Variants in PCDH11X observed in about 807,000 individuals in gnomAD.
The protein encoded by PCDH11X is protocadherin-11 X-linked.
PCDH11X carries 18 observed loss-of-function variants against 53.3 expected under a neutral mutation model. The ratio of observed to expected loss-of-function variants is 0.34; its 90% confidence interval spans 0.23 to 0.50. The LOEUF (loss-of-function observed/expected upper bound fraction) is 0.50, where lower values mean the gene tolerates loss of function less well. Ranked by LOEUF, PCDH11X falls within the 20% of genes least tolerant of loss-of-function variation. The pLI, the probability that PCDH11X is intolerant of heterozygous loss-of-function variation, is 0.98. For missense variants in PCDH11X, 570 were observed against 1,032.4 expected (o/e 0.55, Z 6.14); for synonymous variants, 279 against 393.3 (o/e 0.71, Z 3.44).
intron 6 of PCDH11X, among the ~76,000 whole-genome samples, chrX:91,942,662 T>C (rs773539827): frequency 9.0e-6 from 1 of 110,984 alleles, no homozygotes; most frequent in African/African-American, 3.3e-5. Context: ...CCATAAAAAA[T>C]TTTTCTGACA....
chrX:92,198,410 CAAAAAAA>C (rs148083122), intron 6 of PCDH11X, among the ~76,000 whole-genome samples: 4 of 31,620 alleles, frequency 1.3e-4, no homozygotes, highest in Non-Finnish European at 1.5e-4. Flanking sequence ...GATCCTGTCT[CAAAAAAA>C]AAAAAAAAAA....
intron 6 of PCDH11X, among the ~76,000 whole-genome samples, chrX:91,889,622 GT>G (rs1036712319): frequency 4.2e-4 from 47 of 111,773 alleles, no homozygotes; most frequent in East Asian, 1.4e-3. Flanking sequence ...CAAATAATTG[GT>G]TTTTTTACAC....
chrX:92,300,176 G>C (rs1304464544), intron 8 of PCDH11X, among the ~76,000 whole-genome samples: 1 of 110,481 alleles, frequency 9.1e-6, no homozygotes, highest in Non-Finnish European at 1.9e-5. Context: ...AGTGTGGTTT[G>C]TGTGATTTTT....
chrX:92,026,364 G>A (rs1203837498), intron 6 of PCDH11X, among the ~76,000 whole-genome samples: 4 of 106,670 alleles, frequency 3.7e-5, no homozygotes, highest in Non-Finnish European at 7.7e-5. Flanking sequence ...ACTTGCAATA[G>A]AAACCATATG....
intron 9 of PCDH11X, among the ~76,000 whole-genome samples, chrX:92,454,346 A>G (rs1239963134): frequency 9.2e-6 from 1 of 108,798 alleles, no homozygotes; most frequent in African/African-American, 3.3e-5. Flanking sequence ...GTCTGGGACA[A>G]TGTCATTTAT....
chrX:92,128,643 T>C (rs2760023), intron 6 of PCDH11X, among the ~76,000 whole-genome samples: 3,365 of 109,843 alleles, frequency 0.031, 161 homozygotes, highest in African/African-American at 0.11. Flanking sequence ...AGGTGATCTG[T>C]CTGCCTCGGC....
chrX:91,983,687 G>C (rs2062182506), intron 6 of PCDH11X, among the ~76,000 whole-genome samples: 1 of 111,810 alleles, frequency 8.9e-6, no homozygotes, highest in Admixed American at 9.5e-5. Context: ...CCCCTATTCA[G>C]TCATCTCCCA....
intron 6 of PCDH11X, among the ~76,000 whole-genome samples, chrX:91,971,340 A>G (rs957084251): frequency 9.2e-6 from 1 of 108,900 alleles, no homozygotes; most frequent in Non-Finnish European, 1.9e-5. Context: ...AGCAAAGTTG[A>G]AAAGGACACT....
intron 10 of PCDH11X, among the ~76,000 whole-genome samples, chrX:92,545,397 T>C (rs2074831067): frequency 1.1e-5 from 1 of 87,917 alleles, no homozygotes; most frequent in Non-Finnish European, 2.2e-5. Context: ...CTTTTTTTTT[T>C]TTTTTTTTTT....
intron 6 of PCDH11X, among the ~76,000 whole-genome samples, chrX:91,978,180 A>G (rs1157254906): frequency 3.6e-5 from 4 of 110,281 alleles, no homozygotes; most frequent in Non-Finnish European, 7.6e-5. Flanking sequence ...AACATACACC[A>G]AGAGCTGCAG....
intron 10 of PCDH11X, among the ~76,000 whole-genome samples, chrX:92,617,806 ATAAAC>A (rs1333655907): frequency 9.0e-6 from 1 of 110,897 alleles, no homozygotes; most frequent in Non-Finnish European, 1.9e-5. Context: ...TTAGAGTTCA[ATAAAC>A]TATACTTCCA....
At chrX:92,232,702 C>A (rs1040159470) in intron 7 of PCDH11X, among the ~76,000 whole-genome samples, 5 of 111,927 alleles carry the variant, frequency 4.5e-5, no homozygotes, top group African/African-American at 1.6e-4. Flanking sequence ...TTCAGATATG[C>A]CCTAAATATA....
At chrX:92,590,706 G>A (rs1031477943) in intron 10 of PCDH11X, among the ~76,000 whole-genome samples, 7 of 110,953 alleles carry the variant, frequency 6.3e-5, no homozygotes, top group African/African-American at 9.8e-5. Flanking sequence ...ACTGTTTGAA[G>A]GAATGCTCCT....
At chrX:92,553,362 A>C (rs2074994567) in intron 10 of PCDH11X, among the ~76,000 whole-genome samples, 1 of 109,208 alleles carries the variant, frequency 9.2e-6, no homozygotes, top group Non-Finnish European at 1.9e-5. Flanking sequence ...ATTTATAGGC[A>C]TATAGTTGCT....
intron 6 of PCDH11X, among the ~76,000 whole-genome samples, chrX:91,994,627 T>C (rs183372965): frequency 2.5e-4 from 26 of 105,724 alleles, no homozygotes; most frequent in African/African-American, 8.9e-4. Flanking sequence ...GATATCCCAT[T>C]AGCATGGTGA....
chrX:92,024,964 A>G (rs1348281783), intron 6 of PCDH11X, among the ~76,000 whole-genome samples: 1 of 111,109 alleles, frequency 9.0e-6, no homozygotes, highest in Non-Finnish European at 1.9e-5. Flanking sequence ...CTGGCTAGCC[A>G]TATGCAGAAA....
At chrX:92,238,609 T>C (rs1189712630) in intron 7 of PCDH11X, among the ~76,000 whole-genome samples, 2 of 111,679 alleles carry the variant, frequency 1.8e-5, no homozygotes, top group Non-Finnish European at 3.8e-5. Context: ...AAATTCTAGA[T>C]GTTGCTGCTG....
chrX:92,147,810 CCTTTCTTT>C lies in PCDH11X; in HGVS notation c.3034-53528_3034-53521del, dbSNP rs760395247. Among the ~76,000 whole-genome samples the C allele has an allele frequency of 3.4e-4, 24 of 70,207 alleles. 1 individual carries two copies. Among genetic ancestry groups the C allele is most frequent in the African/African-American group, 7.1e-4 (13 of 18,331 alleles). 61.0% of individuals were successfully genotyped at this position (70,207 alleles called of 115,157 possible). ...TTTCTTTTCCTTTCTTTTCTTCCTT[CCTTTCTTT>C]CTTTCTTTCTTTCTTTCTTTCTTTC... is the stretch of plus-strand genomic sequence containing the variant. On this transcript the variant is annotated intron_variant, in intron 6 of 10. Coordinates refer to ENST00000682573, the MANE Select transcript of PCDH11X (RefSeq NM_032968.5).
intron 10 of PCDH11X, among the ~76,000 whole-genome samples, chrX:92,502,204 T>G (rs2073972185): frequency 9.1e-6 from 1 of 109,612 alleles, no homozygotes; most frequent in East Asian, 2.9e-4. Flanking sequence ...AAACCACCAC[T>G]CAAGGAAATC....
Sources: gnomAD v4.1 joint callset for allele counts (sites outside exome capture counted in the v4.1 genomes callset) on GRCh38, gnomAD v4.1.1 for gene constraint, MANE v1.5 for transcripts, NCBI Gene and HGNC (gene_info 2026-07-23, HGNC 2026-07-21) for gene names.